Variants in DOCK5 observed in about 807,000 individuals in gnomAD.
DOCK5 encodes dedicator of cytokinesis protein 5.
A neutral mutation model predicts 251.8 loss-of-function variants in DOCK5; 142 were observed. The ratio of observed to expected loss-of-function variants is 0.56; its 90% CI spans 0.49 to 0.65. The LOEUF is 0.65. Among genes scored for constraint, DOCK5 ranks in the 30% least tolerant of loss-of-function variants. DOCK5 has a pLI of 0.00. For synonymous variants in DOCK5, 842 were observed against 835.5 expected (o/e 1.01, Z -0.13); for missense variants, 2,111 against 2,312.3 (o/e 0.91, Z 1.79).
intron 19 of DOCK5, 34 bp downstream of exon 19, chr8:25,332,382 T>C: frequency 6.6e-7 from 1 of 1,505,922 alleles, no homozygotes; most frequent in Non-Finnish European, 9.2e-7. Flanking sequence ...GAAATACACA[T>C]ACCTACATAT....
At chr8:25,267,109 T>C (rs1184625485) in intron 2 of DOCK5, among the ~76,000 whole-genome samples, 1 of 152,218 alleles carries the variant, frequency 6.6e-6, no homozygotes, top group Non-Finnish European at 1.5e-5. Context: ...AAGCCCATTT[T>C]CATGTTTTCA....
At position 25,285,151 on chromosome 8, in the gene DOCK5, AT is replaced by A. The variant is rs565538905; in HGVS notation, c.321+6497del. ...TGTTGAATCAAGTGAATTTATTATTATTTTTTTTTTTGAGATGTAGTTTCAT... is the reference window on the plus strand; with the variant it reads ...TGTTGAATCAAGTGAATTTATTATTATTTTTTTTTTGAGATGTAGTTTCAT... On this transcript the variant is annotated intron_variant, in intron 5 of 51. Coordinates refer to ENST00000276440, the MANE Select transcript of DOCK5 (RefSeq NM_024940.8). Among the ~76,000 whole-genome samples, 857 of 146,184 alleles carry A rather than the reference AT, an allele frequency of 5.9e-3. 7 individuals carry two copies. Among genetic ancestry groups the A allele is most frequent in the African/African-American group, 0.019 (747 of 38,690 alleles).
chr8:25,254,882 C>G (rs936715042), intron 2 of DOCK5, among the ~76,000 whole-genome samples: 5 of 141,396 alleles, frequency 3.5e-5, no homozygotes, highest in Non-Finnish European at 6.2e-5. Context: ...CCACTTAAAA[C>G]ATGGGCAAAG....
At position 25,332,132 on chromosome 8, in the gene DOCK5, G is replaced by A; in HGVS notation, c.1904-119G>A. 4 of 593,928 alleles carry A rather than the reference G, an allele frequency of 6.7e-6. No individual in the cohort carries two copies. The South Asian group carries it at 1.1e-4, about 16-fold the overall frequency. The allele number at this position is 593,928 out of a possible 1,614,324, so 36.8% of individuals were successfully genotyped here. A position where few individuals can be genotyped will look rare whatever the true frequency, so the allele number is the denominator to read the frequency against. ...ATAGTAAATTAAAAGAATATATAAGGCATCTTGAATTAGCCACTATTGAGA... is the reference window on the plus strand; with the variant it reads ...ATAGTAAATTAAAAGAATATATAAGACATCTTGAATTAGCCACTATTGAGA... On this transcript the variant is annotated intron_variant, in intron 18 of 51. Transcript: ENST00000276440.
Position 25,297,514 on chromosome 8 carries a change from A to G in DOCK5, c.606+866A>G, listed in dbSNP as rs947517052. 3.6e-4 allele frequency among the ~76,000 whole-genome samples: 54 copies of G among 151,766 alleles called. 1 individual carries two copies. Among genetic ancestry groups the G allele is most frequent in the Non-Finnish European group, 3.1e-4 (21 of 67,932 alleles). On this transcript the variant is annotated intron_variant, in intron 7 of 51. Coordinates refer to ENST00000276440, the MANE Select transcript of DOCK5 (RefSeq NM_024940.8). ...TGTGATCCACCTGCCTTGGCCTCCCAAAGTGCTGGGATTACAGGCGTGAGC... is the reference window on the plus strand; with the variant it reads ...TGTGATCCACCTGCCTTGGCCTCCCGAAGTGCTGGGATTACAGGCGTGAGC...
At chr8:25,333,672 C>G (rs1805733728) in intron 20 of DOCK5, among the ~76,000 whole-genome samples, 2 of 152,184 alleles carry the variant, frequency 1.3e-5, no homozygotes, top group South Asian at 2.1e-4. Flanking sequence ...AGATAAAACT[C>G]TGGTGCAGTT....
chr8:25,394,623 G>C (rs977175787), intron 44 of DOCK5, among the ~76,000 whole-genome samples: 2 of 152,068 alleles, frequency 1.3e-5, no homozygotes, highest in African/African-American at 4.8e-5. Flanking sequence ...ACTCAGATCT[G>C]ATATCCTGCT....
chr8:25,323,762 C>T (rs1355983665), intron 16 of DOCK5, 86 bp from the exon 17 acceptor site: 6 of 1,437,754 alleles, frequency 4.2e-6, no homozygotes, highest in Non-Finnish European at 5.7e-6. Flanking sequence ...AACGCTGCAC[C>T]CCCGAGCAAA....
chr8:25,207,390 A>T (rs1279959070), intron 1 of DOCK5, among the ~76,000 whole-genome samples: 1 of 152,224 alleles, frequency 6.6e-6, no homozygotes, highest in Non-Finnish European at 1.5e-5. Flanking sequence ...TTGTAAGAAG[A>T]TGCTGTCTAG....
At chr8:25,223,361 C>A (rs1286542201) in intron 1 of DOCK5, among the ~76,000 whole-genome samples, 1 of 152,160 alleles carries the variant, frequency 6.6e-6, no homozygotes, top group Non-Finnish European at 1.5e-5. Flanking sequence ...GTCATCTGGG[C>A]TGGCATAAAG....
intron 38 of DOCK5, among the ~76,000 whole-genome samples, chr8:25,377,799 G>A (rs947980283): frequency 1.3e-5 from 2 of 152,190 alleles, no homozygotes; most frequent in African/African-American, 2.4e-5. Flanking sequence ...CAAGCGTGGG[G>A]CTTCTGTGTC....
intron 11 of DOCK5, among the ~76,000 whole-genome samples, chr8:25,307,320 T>TGTTG: frequency 6.6e-6 from 1 of 152,214 alleles, no homozygotes; most frequent in East Asian, 1.9e-4. Flanking sequence ...GGTTTCACCA[T>TGTTG]GTTGGTCAGG....
chr8:25,344,903 A>G (rs1800329940), intron 25 of DOCK5, among the ~76,000 whole-genome samples: 1 of 152,210 alleles, frequency 6.6e-6, no homozygotes, highest in African/African-American at 2.4e-5. Flanking sequence ...CATTCAGAGT[A>G]CCTGAACTCA....
At chr8:25,301,929 G>A (rs1381623840) in intron 9 of DOCK5, among the ~76,000 whole-genome samples, 1 of 152,134 alleles carries the variant, frequency 6.6e-6, no homozygotes, top group African/African-American at 2.4e-5. Flanking sequence ...CCCAATAAAT[G>A]TCAGTGTTAC....
chr8:25,339,712 G>A (rs1365769907), intron 22 of DOCK5, among the ~76,000 whole-genome samples: 1 of 152,224 alleles, frequency 6.6e-6, no homozygotes, highest in African/African-American at 2.4e-5. Context: ...TCGGGAGAGA[G>A]AGCGGGAGTG....
chr8:25,373,733 C>G (rs1456247633), intron 36 of DOCK5, 75 bp downstream of exon 36: 3 of 1,396,162 alleles, frequency 2.1e-6, no homozygotes, highest in East Asian at 4.9e-5. Flanking sequence ...TAAACAAATA[C>G]TTTCCCAACA....
chr8:25,371,191 A>G (rs1291219227), intron 34 of DOCK5, among the ~76,000 whole-genome samples: 3 of 152,190 alleles, frequency 2.0e-5, no homozygotes, highest in African/African-American at 7.2e-5. Flanking sequence ...CTAAGGAACC[A>G]GCACTCTGAA....
chr8:25,293,257 C>T (rs896268352), intron 6 of DOCK5, among the ~76,000 whole-genome samples: 2 of 152,068 alleles, frequency 1.3e-5, no homozygotes, highest in East Asian at 1.9e-4. Flanking sequence ...TTTCTAGTGT[C>T]GGAATTCTTG....
At chr8:25,398,089 T>C (rs1011296799) in intron 45 of DOCK5, among the ~76,000 whole-genome samples, 9 of 152,188 alleles carry the variant, frequency 5.9e-5, no homozygotes, top group African/African-American at 2.2e-4. Flanking sequence ...ACAGGAGCTG[T>C]GTGCTGTAAT....
Sources: allele counts gnomAD v4.1 joint callset (sites outside exome capture counted in the v4.1 genomes callset), GRCh38; gene constraint gnomAD v4.1.1; transcripts MANE v1.5; gene names NCBI Gene and HGNC (gene_info 2026-07-23, HGNC 2026-07-21).